Variants in C12orf42 observed in about 807,000 individuals in gnomAD.
The protein encoded by C12orf42 is chromosome 12 open reading frame 42.
In C12orf42, 25 loss-of-function variants were observed where a neutral mutation model predicts 21.6. That is an observed-to-expected ratio of 1.16 (90% CI 0.84 to 1.62). C12orf42 has a LOEUF of 1.62. C12orf42 is among the 40% of genes most tolerant of loss of function. The pLI is 0.00. For synonymous variants in C12orf42, 174 were observed against 175.0 expected, an observed-to-expected ratio of 0.99 and a Z score of 0.05; for missense variants, 483 against 459.3, an observed-to-expected ratio of 1.05 and a Z score of -0.47.
chr12:103,551,977 T>C, the C12orf42 span, among the ~76,000 whole-genome samples: 1 of 152,264 alleles, frequency 6.6e-6, no homozygotes, highest in African/African-American at 2.4e-5. Context: ...CCAGTCATCA[T>C]GAAATTGAGC....
intron 10 of C12orf42, among the ~76,000 whole-genome samples, chr12:103,243,039 T>G (rs1009259907): frequency 6.6e-6 from 1 of 152,146 alleles, no homozygotes; most frequent in African/African-American, 2.4e-5. Flanking sequence ...AAATTTTTTT[T>G]AAGAGATAGG....
At chr12:103,561,904 G>C in the C12orf42 span, among the ~76,000 whole-genome samples, 1 of 152,144 alleles carries the variant, frequency 6.6e-6, no homozygotes, top group Admixed American at 6.5e-5. Flanking sequence ...GCCTCCTCTT[G>C]TTTTGGTTTC....
intron 4 of C12orf42, among the ~76,000 whole-genome samples, chr12:103,285,108 G>A (rs748814116): frequency 6.6e-6 from 1 of 152,120 alleles, no homozygotes; most frequent in Non-Finnish European, 1.5e-5. Context: ...TAGAACATCA[G>A]TACATATGGA....
At chr12:103,278,173 A>G (rs1323327132) in intron 4 of C12orf42, among the ~76,000 whole-genome samples, 2 of 152,184 alleles carry the variant, frequency 1.3e-5, no homozygotes, top group Admixed American at 6.5e-5. Flanking sequence ...TACTCAAATA[A>G]CAAATATGGT....
At chr12:103,257,202 A>AG (rs1198100551) in intron 10 of C12orf42, among the ~76,000 whole-genome samples, 1 of 152,176 alleles carries the variant, frequency 6.6e-6, no homozygotes, top group Admixed American at 6.5e-5. Flanking sequence ...AGCCTTTCAA[A>AG]GGGCGGAGGT....
intron 2 of C12orf42, among the ~76,000 whole-genome samples, chr12:103,421,222 G>A (rs1478663635): frequency 6.6e-6 from 1 of 152,220 alleles, no homozygotes; most frequent in Non-Finnish European, 1.5e-5. Flanking sequence ...AGAAGATAAT[G>A]TAGAAGAGAG....
At chr12:103,180,424 G>T in the C12orf42 span, among the ~76,000 whole-genome samples, 1 of 151,698 alleles carries the variant, frequency 6.6e-6, no homozygotes, top group Non-Finnish European at 1.5e-5. Context: ...AGTTGACTTC[G>T]TTGGCTAACA....
chr12:103,371,075 G>A (rs1027773209), intron 3 of C12orf42, among the ~76,000 whole-genome samples: 3 of 152,074 alleles, frequency 2.0e-5, no homozygotes, highest in Non-Finnish European at 4.4e-5. Context: ...TGGATATTGT[G>A]AATATTATGT....
chr12:103,367,061 C>T (rs1172045120), intron 4 of C12orf42, among the ~76,000 whole-genome samples: 1 of 151,970 alleles, frequency 6.6e-6, no homozygotes, highest in African/African-American at 2.4e-5. Flanking sequence ...AAATGTCCAT[C>T]AATCAACGGG....
intron 4 of C12orf42, among the ~76,000 whole-genome samples, chr12:103,293,551 T>G (rs559917909): frequency 1.3e-5 from 2 of 152,286 alleles, no homozygotes; most frequent in African/African-American, 4.8e-5. Flanking sequence ...CAACCAGAAC[T>G]GATCTCTCCC....
At chr12:103,438,921 T>C (rs1406282208) in intron 2 of C12orf42, among the ~76,000 whole-genome samples, 1 of 151,832 alleles carries the variant, frequency 6.6e-6, no homozygotes, top group Non-Finnish European at 1.5e-5. Context: ...AAAGTTCATA[T>C]GGAACCAAAA....
the C12orf42 span, among the ~76,000 whole-genome samples, chr12:103,171,274 C>G: frequency 6.6e-6 from 1 of 152,090 alleles, no homozygotes; most frequent in Admixed American, 6.6e-5. Context: ...TCGGTATATA[C>G]TTATTAGTTG....
chr12:103,337,401 A>G (rs1449651388), intron 4 of C12orf42, among the ~76,000 whole-genome samples: 1 of 152,156 alleles, frequency 6.6e-6, no homozygotes, highest in Non-Finnish European at 1.5e-5. Flanking sequence ...GCCAGGCTGG[A>G]GTGCACTGGC....
chr12:103,531,623 G>A, the C12orf42 span, among the ~76,000 whole-genome samples: 1 of 152,162 alleles, frequency 6.6e-6, no homozygotes, highest in South Asian at 2.1e-4. Flanking sequence ...TTTTGGGTAA[G>A]AGAATATTAA....
At chr12:103,311,821 G>T (rs1340570398) in intron 4 of C12orf42, among the ~76,000 whole-genome samples, 1 of 152,172 alleles carries the variant, frequency 6.6e-6, no homozygotes, top group Non-Finnish European at 1.5e-5. Flanking sequence ...CAATCAGTGA[G>T]AGTGGGACCC....
the C12orf42 span, among the ~76,000 whole-genome samples, chr12:103,175,345 A>C: frequency 6.6e-6 from 1 of 152,226 alleles, no homozygotes; most frequent in Non-Finnish European, 1.5e-5. Flanking sequence ...AAGTAAAAAC[A>C]AAATCCATTC....
At chr12:103,437,491 A>G (rs1950826069) in intron 2 of C12orf42, among the ~76,000 whole-genome samples, 1 of 152,210 alleles carries the variant, frequency 6.6e-6, no homozygotes, top group Non-Finnish European at 1.5e-5. Context: ...GGATCAATAA[A>G]ATTGATAGAC....
rs1566046008 is a variant in C12orf42, at chr12:103,306,172, TA to T, written c.432del (p.Phe144LeufsTer37). ...SSETDEAPLIFTARGETEERA... is the reference protein window; with the variant it reads ...SSETDEAPLIXTARGETEERA... ...CTCTCCTCAGTTTCTCCTCTGGCAG[TA>T]AAAATCAATGGGGCCTCATCAGTTT... On this transcript the variant is annotated frameshift_variant, in exon 5 of 6. Transcript: ENST00000548883. LOFTEE classifies it high-confidence loss of function. The T allele has an allele frequency of 6.8e-6, 11 of 1,613,812 alleles. No homozygotes were observed. In the Admixed American group the frequency reaches 1.8e-4, roughly 27 times the overall value.
intron 2 of C12orf42, among the ~76,000 whole-genome samples, chr12:103,453,598 C>A (rs567688507): frequency 6.6e-6 from 1 of 151,928 alleles, no homozygotes; most frequent in African/African-American, 2.4e-5. Flanking sequence ...TCCCTAATAA[C>A]CTTTTGCTCC....
Sources: allele counts gnomAD v4.1 joint callset (sites outside exome capture counted in the v4.1 genomes callset), GRCh38; gene constraint gnomAD v4.1.1; transcripts MANE v1.5; gene names NCBI Gene and HGNC (gene_info 2026-07-23, HGNC 2026-07-21).